The following PARD6G variants were observed in gnomAD, a reference collection of about 807,000 sequenced individuals.
PARD6G encodes the protein partitioning defective 6 homolog gamma.
In PARD6G, 7 loss-of-function variants were observed where a neutral mutation model predicts 10.7. The observed-to-expected ratio is 0.66, with a 90% CI of 0.37 to 1.23. The LOEUF (loss-of-function observed/expected upper bound fraction) is 1.23. Among genes scored for constraint, PARD6G ranks in the 50% most tolerant of loss-of-function variants. The pLI, the probability that PARD6G is intolerant of heterozygous loss-of-function variation, is 0.02. For synonymous variants in PARD6G, 287 were observed against 269.4 expected (o/e 1.07, Z -0.64); for missense variants, 548 against 571.8 (o/e 0.96, Z 0.42).
rs1967553027 is a variant in PARD6G at position 80,246,664 on chromosome 18, G to T, written c.72+613C>A. The stretch of plus-strand genomic sequence containing the variant: ...GGTGGGGTGTCTGGCCCGGGGACGC[G>T]CCCGGGGAGGCGTGGTCTGGGTCTG... On this transcript the variant is annotated intron_variant, in intron 1 of 2. Transcript: ENST00000353265. This position sits in a 1 kb window ranked among gnomAD's most constrained non-coding sequence, Gnocchi z 6.7. 2.0e-5 allele frequency among the ~76,000 whole-genome samples: 3 copies of T among 150,846 alleles called. No individual in the cohort carries two copies. The South Asian group carries it at 6.3e-4, about 32-fold the overall frequency.
chr18:80,172,720 A>G (rs2052785393), intron 2 of PARD6G, among the ~76,000 whole-genome samples: 1 of 152,180 alleles, frequency 6.6e-6, no homozygotes, highest in African/African-American at 2.4e-5. Context: ...TATTCTTTAC[A>G]TATTCCGAAT....
chr18:80,195,935 T>C (rs1469264201), intron 2 of PARD6G, among the ~76,000 whole-genome samples: 1 of 151,458 alleles, frequency 6.6e-6, no homozygotes, highest in Non-Finnish European at 1.5e-5. Context: ...CAAACGTTAC[T>C]CTAGAGCCCT....
chr18:80,173,845 C>T lies in PARD6G; in HGVS notation c.296-13239G>A, dbSNP rs542927425. Among the ~76,000 whole-genome samples the T allele has an allele frequency of 4.7e-4, 71 of 152,318 alleles. 1 individual carries two copies. Among genetic ancestry groups the T allele is most frequent in the African/African-American group, 1.5e-3 (64 of 41,566 alleles). ...GGAGCTGCTCCCCAGCAAGTTTGCT[C>T]AGCCTCCTTCAAAGCGCATGGCTAC... is the stretch of plus-strand genomic sequence containing the variant. On this transcript the variant is annotated intron_variant, in intron 2 of 2. Coordinates refer to ENST00000353265, the MANE Select transcript of PARD6G (RefSeq NM_032510.4).
Position 80,184,559 on chromosome 18 carries a change from G to A in PARD6G, c.295+18151C>T, listed in dbSNP as rs1284009672. 1 of 152,350 alleles carries A rather than the reference G, an allele frequency of 6.6e-6. No individual in the cohort carries two copies. The highest frequency in any genetic ancestry group is 2.4e-5 in the African/African-American group (1 of 41,454). The allele number at this position is 152,350 out of a possible 1,614,324, so 9.4% of individuals were successfully genotyped here. A position where few individuals can be genotyped will look rare whatever the true frequency, so the allele number is the denominator to read the frequency against. On this transcript the variant is annotated intron_variant, in intron 2 of 2. Transcript: ENST00000353265. This position sits in a 1 kb window ranked among gnomAD's most constrained non-coding sequence, Gnocchi z 4.5. ...GGAGCAAGGCAGTGAAACCCTCAGA[G>A]GGAGCAAGGCCGTGAAACCCGCAGC...
In PARD6G at chr18:80,185,309, A is replaced by ATT. The variant is rs71898685; in HGVS notation, c.295+17399_295+17400dup. Among the ~76,000 whole-genome samples, 15 of 145,782 alleles carry ATT rather than the reference A, an allele frequency of 1.0e-4. No homozygotes were observed. The South Asian group carries it at 3.3e-3, about 32-fold the overall frequency. ...GTCTCTCACATATCCTCAGAAGGTG[A>ATT]TTTTTTTTTTTTAAGAGGCGAAGTC... On this transcript the variant is annotated intron_variant, in intron 2 of 2. Coordinates refer to ENST00000353265, the MANE Select transcript of PARD6G (RefSeq NM_032510.4).
chr18:80,235,298 C>A (rs1967408099), intron 1 of PARD6G, among the ~76,000 whole-genome samples: 1 of 152,240 alleles, frequency 6.6e-6, no homozygotes, highest in Admixed American at 6.5e-5. Context: ...TAAAGATGTT[C>A]TTTGAAACCA....
At chr18:80,232,441 G>A (rs1967368406) in intron 1 of PARD6G, among the ~76,000 whole-genome samples, 1 of 152,130 alleles carries the variant, frequency 6.6e-6, no homozygotes. Context: ...AGTTCCACAT[G>A]GCTGGGGAGG....
At chr18:80,166,889 TGAG>T (rs1285238265) in intron 2 of PARD6G, among the ~76,000 whole-genome samples, 2 of 151,832 alleles carry the variant, frequency 1.3e-5, no homozygotes, top group African/African-American at 4.8e-5. Flanking sequence ...TGCAAACACT[TGAG>T]GATCCAACAA....
In PARD6G at chr18:80,192,838, C is replaced by T. The variant is rs893587303; in HGVS notation, c.295+9872G>A. On this transcript the variant is annotated intron_variant, in intron 2 of 2. Coordinates refer to ENST00000353265, the MANE Select transcript of PARD6G (RefSeq NM_032510.4). The surrounding 1 kb of genome is among the most constrained non-coding windows in gnomAD (Gnocchi z 4.9). ...TGGCTCGCCGGCCGTGGGAGCTGGG[C>T]TGTCAGTCCTCCCCTCACTCCTGTG... Among the ~76,000 whole-genome samples, 1 of 152,110 alleles carries T rather than the reference C, an allele frequency of 6.6e-6. No homozygotes were observed. Among genetic ancestry groups the T allele is most frequent in the Admixed American group, 6.5e-5 (1 of 15,290 alleles).
chr18:80,206,969 G>T lies in PARD6G; in HGVS notation c.73-4037C>A, dbSNP rs188121716. Among the ~76,000 whole-genome samples the T allele has an allele frequency of 7.1e-3, 1,070 of 151,166 alleles. 19 individuals carry two copies. The highest frequency in any genetic ancestry group is 0.025 in the African/African-American group (1,014 of 41,188). Reference sequence around the variant, plus strand: ...AATAAATACTTAACAGTAAATGAAAGATTCTTCAGATGTTTATTTGGATGG... The same window carrying T: ...AATAAATACTTAACAGTAAATGAAATATTCTTCAGATGTTTATTTGGATGG... On this transcript the variant is annotated intron_variant, in intron 1 of 2. Transcript: ENST00000353265.
rs1164091754 is a variant in PARD6G, at chr18:80,157,457, C to T, written c.*2314G>A. The stretch of plus-strand genomic sequence containing the variant: ...GCCTCATTTCTTAAAAAAAAACTCA[C>T]ATTTGCTTAACAACTTAAAATGTGA... On this transcript the variant is annotated 3_prime_UTR_variant, in exon 3 of 3. Coordinates refer to ENST00000353265, the MANE Select transcript of PARD6G (RefSeq NM_032510.4). 6.6e-6 allele frequency: 1 copy of T among 152,170 alleles called. No homozygotes were observed. The highest frequency in any genetic ancestry group is 2.4e-5 in the African/African-American group (1 of 41,434). The allele number at this position is 152,170 out of a possible 1,614,324, so 9.4% of individuals were successfully genotyped here. A position where few individuals can be genotyped will look rare whatever the true frequency, so the allele number is the denominator to read the frequency against.
In PARD6G at chr18:80,158,942, G is replaced by GA. The variant is rs894794155; in HGVS notation, c.*828dup. 2 of 151,972 alleles carry GA rather than the reference G, an allele frequency of 1.3e-5. No homozygotes were observed. Among genetic ancestry groups the GA allele is most frequent in the Admixed American group, 1.3e-4 (2 of 15,276 alleles). The allele number at this position is 151,972 out of a possible 1,614,324, so 9.4% of individuals were successfully genotyped here. On this transcript the variant is annotated 3_prime_UTR_variant, in exon 3 of 3. Coordinates refer to ENST00000353265, the MANE Select transcript of PARD6G (RefSeq NM_032510.4). ...ACCGAATTATGACTATGAACAGTGT[G>GA]AAAATCTGGAATTCATCTCCATGGT...
rs1311377484 is a variant in PARD6G at position 80,192,689 on chromosome 18, A to C, written c.295+10021T>G. Among the ~76,000 whole-genome samples the C allele has an allele frequency of 6.6e-6, 1 of 152,156 alleles. No individual in the cohort carries two copies. The highest frequency in any genetic ancestry group is 2.4e-5 in the African/African-American group (1 of 41,424). On this transcript the variant is annotated intron_variant, in intron 2 of 2. Transcript: ENST00000353265. The surrounding 1 kb of genome is among the most constrained non-coding windows in gnomAD (Gnocchi z 4.9). ...GTGGTCCAGAACACCAAAGACAAGG[A>C]GGGAAGAATGATAAGAGTGAAAGAA...
chr18:80,214,505 A>G (rs956030550), intron 1 of PARD6G, among the ~76,000 whole-genome samples: 1 of 152,166 alleles, frequency 6.6e-6, no homozygotes, highest in Non-Finnish European at 1.5e-5. Flanking sequence ...AGAGAATACC[A>G]ATGAAGAGAT....
At chr18:80,177,043 ACAC>A (rs2052813184) in intron 2 of PARD6G, among the ~76,000 whole-genome samples, 2 of 148,692 alleles carry the variant, frequency 1.3e-5, no homozygotes, top group South Asian at 4.3e-4. Context: ...ACACACACAC[ACAC>A]ACCACAGTAT....
chr18:80,224,221 G>A lies in PARD6G; in HGVS notation c.73-21289C>T, dbSNP rs779102789. 2.0e-5 allele frequency among the ~76,000 whole-genome samples: 3 copies of A among 152,204 alleles called. No individual in the cohort carries two copies. In the East Asian group the frequency reaches 5.8e-4, roughly 29 times the overall value. On this transcript the variant is annotated intron_variant, in intron 1 of 2. Coordinates refer to ENST00000353265, the MANE Select transcript of PARD6G (RefSeq NM_032510.4). ...AAGGATAACTCATCACCATTAACAC[G>A]ATTATGTCTTACCTTCCAGGTTAAA...
Position 80,160,551 on chromosome 18 carries a change from C to T in PARD6G, c.351G>A (p.Ala117=), listed in dbSNP as rs1429227812. The part of the protein sequence containing the change: ...GAGSLCRRRR[A]LGALRDEGPR... ...GTCCTTCATCACGCAGCGCGCCCAG[C>T]GCCCGCCTCCGCCTGCACAGCGAGC... The change falls in exon 3 of 3, where the codon GCG becomes GCA. Residue 117 remains alanine (A), a synonymous_variant. Transcript: ENST00000353265. 1.4e-6 allele frequency: 2 copies of T among 1,479,520 alleles called. No individual in the cohort carries two copies. The highest frequency in any genetic ancestry group is 2.8e-5 in the South Asian group (2 of 70,750). The allele number at this position is 1,479,520 out of a possible 1,614,324, so 91.6% of individuals were successfully genotyped here. A position where few individuals can be genotyped will look rare whatever the true frequency, so the allele number is the denominator to read the frequency against.
At chr18:80,162,279 T>G (rs2052705540) in intron 2 of PARD6G, 1 of 152,454 alleles carries the variant, frequency 6.6e-6, no homozygotes, top group African/African-American at 2.4e-5. Flanking sequence ...TTTTAAAAAC[T>G]ATACCTGTAA....
In PARD6G at chr18:80,159,310, C is replaced by G. The variant is rs1324607708; in HGVS notation, c.*461G>C. ...GCTGCATTCGTTATTAAAAACCAGC[C>G]TCTTGTCACGTACATCAGCACAGTC... is the stretch of plus-strand genomic sequence containing the variant. On this transcript the variant is annotated 3_prime_UTR_variant, in exon 3 of 3. Transcript: ENST00000353265. The G allele has an allele frequency of 6.5e-6, 1 of 153,338 alleles. No homozygotes were observed. Among genetic ancestry groups the G allele is most frequent in the South Asian group, 2.1e-4 (1 of 4,838 alleles). The allele number at this position is 153,338 out of a possible 1,614,324, so 9.5% of individuals were successfully genotyped here.
Sources: gnomAD v4.1 joint callset for allele counts (sites outside exome capture counted in the v4.1 genomes callset) on GRCh38, gnomAD v4.1.1 for gene constraint, Gnocchi (gnomAD v3.1) non-coding constraint, MANE v1.5 for transcripts, NCBI Gene and HGNC (gene_info 2026-07-23, HGNC 2026-07-21) for gene names.